Variants in PIK3R5 observed in about 807,000 individuals in gnomAD.
PIK3R5 encodes the protein phosphoinositide-3-kinase regulatory subunit 5.
PIK3R5 carries 32 observed loss-of-function variants against 94.9 expected under a neutral mutation model. The observed-to-expected ratio is 0.34, with a 90% CI of 0.25 to 0.45. The LOEUF (loss-of-function observed/expected upper bound fraction) is 0.45, where lower values mean the gene tolerates loss of function less well. Among genes scored for constraint, PIK3R5 ranks in the 20% least tolerant of loss-of-function variants. The pLI, the probability that PIK3R5 is intolerant of heterozygous loss-of-function variation, is 1.00. For missense variants in PIK3R5, 853 were observed against 1,144.6 expected (o/e 0.75, Z 3.68); for synonymous variants, 443 against 479.4 (o/e 0.92, Z 0.99).
chr17:8,958,418 T>A (rs1368173768), intron 1 of PIK3R5, among the ~76,000 whole-genome samples: 2 of 152,146 alleles, frequency 1.3e-5, no homozygotes, highest in African/African-American at 4.8e-5. Flanking sequence ...AATGATCTAA[T>A]GTGTCACATA....
At chr17:8,905,792 T>G in intron 3 of PIK3R5, 55 bp from the exon 4 acceptor site, 2 of 1,206,752 alleles carry the variant, frequency 1.7e-6, no homozygotes, top group South Asian at 2.7e-5. Flanking sequence ...CAGGGCTCCC[T>G]GAGGCAGAAT....
chr17:8,900,917 A>G (rs1330819799), intron 5 of PIK3R5, among the ~76,000 whole-genome samples: 1 of 152,114 alleles, frequency 6.6e-6, no homozygotes, highest in African/African-American at 2.4e-5. Context: ...CCCTCCCCCA[A>G]CCCCACAACT....
At position 8,890,613 on chromosome 17, in the gene PIK3R5, C is replaced by T; in HGVS notation, c.657+125G>A. The stretch of plus-strand genomic sequence containing the variant: ...TGAGGTCAGCCCTCCAGCCACCACC[C>T]TGCCATGTCACCTGGGTGCAGGAGA... On this transcript the variant is annotated intron_variant, in intron 7 of 18. Transcript: ENST00000447110. The surrounding 1 kb of genome is among the most constrained non-coding windows in gnomAD (Gnocchi z 6.1). 6.9e-6 allele frequency: 6 copies of T among 866,108 alleles called. No individual in the cohort carries two copies. The highest frequency in any genetic ancestry group is 1.0e-5 in the Non-Finnish European group (6 of 577,050). The allele number at this position is 866,108 out of a possible 1,614,324, so 53.7% of individuals were successfully genotyped here. A position where few individuals can be genotyped will look rare whatever the true frequency, so the allele number is the denominator to read the frequency against.
Position 8,888,441 on chromosome 17 carries a change from G to A in PIK3R5, c.1346C>T (p.Thr449Met), listed in dbSNP as rs368972251. 33 of 1,598,608 alleles carry A rather than the reference G, an allele frequency of 2.1e-5. No homozygotes were observed. The highest frequency in any genetic ancestry group is 1.6e-4 in the East Asian group (7 of 44,272). Residue 449 changes from threonine to methionine, a missense_variant, in exon 10 of 19, where the codon ACG becomes ATG. Physicochemically the swap from Thr to Met is moderately conservative, Grantham distance 81. Transcript: ENST00000447110. The surrounding 1 kb of genome is among the most constrained non-coding windows in gnomAD (Gnocchi z 7.8). The stretch of plus-strand genomic sequence containing the variant: ...CCCTGCCCGCCTCAGGGGCAGGGCC[G>A]TGTCCGAGCTGCCCTCCAGGCTCCG... ...DSRSLEGSSD[T>M]ALPLRRAGSL...
In PIK3R5 at chr17:8,887,422, T is replaced by C. The variant is rs572909947; in HGVS notation, c.1779+99A>G. On this transcript the variant is annotated intron_variant, in intron 11 of 18. Transcript: ENST00000447110. ...GAGGGCCAGGCAGGGGGAGGTGCCCTGTCAACACAGGTGCTTGCTTTCCAT... is the reference window on the plus strand; with the variant it reads ...GAGGGCCAGGCAGGGGGAGGTGCCCCGTCAACACAGGTGCTTGCTTTCCAT... The C allele has an allele frequency of 2.9e-6, 4 of 1,398,658 alleles. No individual in the cohort carries two copies. The East Asian group carries it at 7.4e-5, about 26-fold the overall frequency. 86.6% of individuals were successfully genotyped at this position (1,398,658 alleles called of 1,614,324 possible).
chr17:8,882,074 G>C lies in PIK3R5; in HGVS notation c.2206-193C>G. 1.7e-6 allele frequency: 1 copy of C among 591,242 alleles called. No individual in the cohort carries two copies. Among genetic ancestry groups the C allele is most frequent in the South Asian group, 2.0e-5 (1 of 50,982 alleles). 36.6% of individuals were successfully genotyped at this position (591,242 alleles called of 1,614,324 possible). On this transcript the variant is annotated intron_variant, in intron 15 of 18. Transcript: ENST00000447110. The surrounding 1 kb of genome is among the most constrained non-coding windows in gnomAD (Gnocchi z 4.1). Reference sequence around the variant, plus strand: ...CTCCAGGGAAGAGCTCACGTCACTGGCTTGGTCTAGGGGTCAGCAGCCTCT... The same window carrying C: ...CTCCAGGGAAGAGCTCACGTCACTGCCTTGGTCTAGGGGTCAGCAGCCTCT...
At chr17:8,951,499 A>T (rs1283931145) in intron 1 of PIK3R5, among the ~76,000 whole-genome samples, 1 of 152,176 alleles carries the variant, frequency 6.6e-6, no homozygotes. Context: ...ATCACACAGT[A>T]TTTATCCTTT....
chr17:8,906,960 C>T (rs1321658157), intron 3 of PIK3R5, among the ~76,000 whole-genome samples: 3 of 152,092 alleles, frequency 2.0e-5, no homozygotes, highest in East Asian at 3.9e-4. Flanking sequence ...TTATTTATGC[C>T]CTTGGATAAT....
intron 1 of PIK3R5, among the ~76,000 whole-genome samples, chr17:8,952,617 G>A (rs1339728421): frequency 2.6e-5 from 4 of 152,310 alleles, no homozygotes; most frequent in African/African-American, 7.2e-5. Flanking sequence ...GACTTAAGTC[G>A]AGAGAGTAAT....
rs142687486 is a variant in PIK3R5 at position 8,922,474 on chromosome 17, G to A, written c.-13-10967C>T. 4.7e-3 allele frequency among the ~76,000 whole-genome samples: 711 copies of A among 152,164 alleles called. 5 individuals carry two copies. The highest frequency in any genetic ancestry group is 0.016 in the African/African-American group (673 of 41,498). ...CCTATGGTCACAATTCCTATGGCCC[G>A]AGCTTGAAGTCTGTGCAAAGTTGGC... On this transcript the variant is annotated intron_variant, in intron 1 of 18. Transcript: ENST00000447110.
intron 5 of PIK3R5, among the ~76,000 whole-genome samples, chr17:8,901,313 ATGAGG>A (rs2090277003): frequency 6.6e-6 from 1 of 152,190 alleles, no homozygotes; most frequent in Non-Finnish European, 1.5e-5. Context: ...AGTCTCTACC[ATGAGG>A]TGAGGACCTT....
intron 1 of PIK3R5, among the ~76,000 whole-genome samples, chr17:8,958,760 C>CTT (rs551580901): frequency 4.9e-5 from 7 of 144,042 alleles, no homozygotes; most frequent in Admixed American, 1.4e-4. Flanking sequence ...TTCTCTCTCT[C>CTT]TTTTTTTTTT....
rs1000830945 is a variant in PIK3R5 at position 8,890,633 on chromosome 17, A to G, written c.657+105T>C. 2.0e-5 allele frequency: 20 copies of G among 1,009,518 alleles called. No homozygotes were observed. The highest frequency in any genetic ancestry group is 2.9e-5 in the Non-Finnish European group (20 of 700,650). The allele number at this position is 1,009,518 out of a possible 1,614,324, so 62.5% of individuals were successfully genotyped here. On this transcript the variant is annotated intron_variant, in intron 7 of 18. Coordinates refer to ENST00000447110, the MANE Select transcript of PIK3R5 (RefSeq NM_001142633.3). The surrounding 1 kb of genome is among the most constrained non-coding windows in gnomAD (Gnocchi z 6.1). ...CCACCCTGCCATGTCACCTGGGTGC[A>G]GGAGACTAAGTGTACCCTGGAGACC...
In PIK3R5 at chr17:8,879,163, C is replaced by A. The variant is rs560864098; in HGVS notation, c.*1476G>T. ...ATGAGTACTCTGGGCTGGAATTTCA[C>A]GTAAGGCCTTTTGGGCATAATGAAT... is the stretch of plus-strand genomic sequence containing the variant. On this transcript the variant is annotated 3_prime_UTR_variant, in exon 19 of 19. Transcript: ENST00000447110. The surrounding 1 kb of genome is among the most constrained non-coding windows in gnomAD (Gnocchi z 4.4). The A allele has an allele frequency of 6.6e-6, 1 of 152,166 alleles. No individual in the cohort carries two copies. 9.4% of individuals were successfully genotyped at this position (152,166 alleles called of 1,614,324 possible). A position where few individuals can be genotyped will look rare whatever the true frequency, so the allele number is the denominator to read the frequency against.
intron 3 of PIK3R5, among the ~76,000 whole-genome samples, chr17:8,908,702 A>G (rs2090452994): frequency 6.6e-6 from 1 of 152,128 alleles, no homozygotes; most frequent in South Asian, 2.1e-4. Flanking sequence ...TGACTGAACT[A>G]AGAGAGGAGG....
intron 1 of PIK3R5, among the ~76,000 whole-genome samples, chr17:8,943,140 T>C (rs2091216081): frequency 1.3e-5 from 2 of 151,716 alleles, no homozygotes; most frequent in South Asian, 4.2e-4. Context: ...AGTGACACAA[T>C]CACATCTCAC....
intron 1 of PIK3R5, among the ~76,000 whole-genome samples, chr17:8,920,735 A>T (rs1160665833): frequency 6.6e-6 from 1 of 152,126 alleles, no homozygotes; most frequent in Admixed American, 6.5e-5. Context: ...TTCCTATATA[A>T]TTTTTACAAT....
chr17:8,925,478 T>G lies in PIK3R5; in HGVS notation c.-13-13971A>C, dbSNP rs982130250. Among the ~76,000 whole-genome samples, 1 of 141,696 alleles carries G rather than the reference T, an allele frequency of 7.1e-6. No individual in the cohort carries two copies. Among genetic ancestry groups the G allele is most frequent in the Non-Finnish European group, 1.5e-5 (1 of 67,524 alleles). The allele number at this position is 141,696 out of a possible 152,430, so 93.0% of individuals were successfully genotyped here. The stretch of plus-strand genomic sequence containing the variant: ...AGATAGTAGATGGATGATAGATAGA[T>G]AGTAGATGGATAGATAGTAGATGGA... On this transcript the variant is annotated intron_variant, in intron 1 of 18. Coordinates refer to ENST00000447110, the MANE Select transcript of PIK3R5 (RefSeq NM_001142633.3). This position sits in a 1 kb window ranked among gnomAD's most constrained non-coding sequence, Gnocchi z 5.1.
chr17:8,918,912 T>C (rs1056986389), intron 1 of PIK3R5, among the ~76,000 whole-genome samples: 7 of 152,122 alleles, frequency 4.6e-5, no homozygotes, highest in Admixed American at 2.0e-4. Context: ...TTTGTTTTTG[T>C]TTTTTTGCCA....
Sources: gnomAD v4.1 joint callset for allele counts (sites outside exome capture counted in the v4.1 genomes callset) on GRCh38, gnomAD v4.1.1 for gene constraint, Gnocchi (gnomAD v3.1) non-coding constraint, MANE v1.5 for transcripts, NCBI Gene and HGNC (gene_info 2026-07-23, HGNC 2026-07-21) for gene names.